RSPO2: variants seen among roughly 807,000 people sequenced by gnomAD.
RSPO2 encodes R-spondin 2.
RSPO2 carries 14 observed loss-of-function variants against 30.9 expected under a neutral mutation model. The ratio of observed to expected loss-of-function variants is 0.45; its 90% CI spans 0.30 to 0.71. The LOEUF is 0.71. Among genes scored for constraint, RSPO2 ranks in the 30% least tolerant of loss-of-function variants. RSPO2 has a pLI of 0.08. For missense variants in RSPO2, 264 were observed against 301.9 expected, an observed-to-expected ratio of 0.87 and a Z score of 0.93; for synonymous variants, 107 against 96.4, an observed-to-expected ratio of 1.11 and a Z score of -0.64.
chr8:108,028,454 C>T (rs578232757), intron 2 of RSPO2, among the ~76,000 whole-genome samples: 1 of 152,320 alleles, frequency 6.6e-6, no homozygotes, highest in East Asian at 1.9e-4. Context: ...CTCTTCACTC[C>T]TGATCTTTCC....
At chr8:108,025,118 C>G (rs1811171808) in intron 2 of RSPO2, among the ~76,000 whole-genome samples, 1 of 152,162 alleles carries the variant, frequency 6.6e-6, no homozygotes, top group South Asian at 2.1e-4. Context: ...CACACACACA[C>G]AAGCAAACAT....
At chr8:107,983,613 A>T (rs1432050186) in intron 3 of RSPO2, 1 of 1,596,656 alleles carries the variant, frequency 6.3e-7, no homozygotes, top group Non-Finnish European at 8.6e-7. Context: ...ACGATAAAAC[A>T]ATTATAGAGG....
At chr8:108,031,510 T>A (rs1481012258) in intron 2 of RSPO2, among the ~76,000 whole-genome samples, 1 of 152,208 alleles carries the variant, frequency 6.6e-6, no homozygotes, top group East Asian at 1.9e-4. Context: ...ACTAAAACTT[T>A]ACGTTTGCAA....
chr8:107,988,737 G>A (rs755617404), intron 3 of RSPO2, among the ~76,000 whole-genome samples: 9 of 151,878 alleles, frequency 5.9e-5, no homozygotes, highest in Non-Finnish European at 1.0e-4. Flanking sequence ...AAGTGATTCT[G>A]GTGCCTCAGC....
At chr8:108,040,664 TGTGGTTTGAG>T (rs1811726926) in intron 2 of RSPO2, among the ~76,000 whole-genome samples, 1 of 152,148 alleles carries the variant, frequency 6.6e-6, no homozygotes, top group Non-Finnish European at 1.5e-5. Context: ...TGATGACTAA[TGTGGTTTGAG>T]GTGTAAAACT....
intron 2 of RSPO2, among the ~76,000 whole-genome samples, chr8:108,002,530 C>T (rs1178393463): frequency 6.6e-6 from 1 of 152,170 alleles, no homozygotes; most frequent in East Asian, 1.9e-4. Context: ...AGGATGGACT[C>T]TATTTAATGT....
intron 5 of RSPO2, among the ~76,000 whole-genome samples, chr8:107,948,657 A>C (rs1813141419): frequency 6.6e-6 from 1 of 152,158 alleles, no homozygotes; most frequent in South Asian, 2.1e-4. Flanking sequence ...CAGGAGATCA[A>C]GACCATCCTG....
intron 2 of RSPO2, among the ~76,000 whole-genome samples, chr8:107,999,559 C>G (rs1265962101): frequency 6.6e-6 from 1 of 152,076 alleles, no homozygotes; most frequent in Non-Finnish European, 1.5e-5. Flanking sequence ...CTCAGCCTCC[C>G]GAGTAGTTGG....
chr8:107,953,339 C>G (rs893594819), intron 5 of RSPO2, among the ~76,000 whole-genome samples: 1 of 152,124 alleles, frequency 6.6e-6, no homozygotes, highest in Non-Finnish European at 1.5e-5. Flanking sequence ...CATTTCCCCC[C>G]ACTACCAACC....
At chr8:108,047,450 A>C (rs1811939157) in intron 2 of RSPO2, among the ~76,000 whole-genome samples, 1 of 152,174 alleles carries the variant, frequency 6.6e-6, no homozygotes, top group Non-Finnish European at 1.5e-5. Flanking sequence ...ACCTTAGGAA[A>C]ATTATTTTTT....
chr8:108,031,355 C>G (rs556822911), intron 2 of RSPO2, among the ~76,000 whole-genome samples: 1 of 152,232 alleles, frequency 6.6e-6, no homozygotes, highest in South Asian at 2.1e-4. Context: ...ATGAGTTTTC[C>G]TTTCTTGTAG....
intron 2 of RSPO2, among the ~76,000 whole-genome samples, chr8:108,017,630 A>G (rs1810936062): frequency 6.6e-6 from 1 of 152,204 alleles, no homozygotes; most frequent in Non-Finnish European, 1.5e-5. Flanking sequence ...AGTAACAAGA[A>G]GGCATTGGAA....
At chr8:107,991,970 G>A (rs1267627547) in intron 2 of RSPO2, among the ~76,000 whole-genome samples, 11 of 152,192 alleles carry the variant, frequency 7.2e-5, no homozygotes, top group East Asian at 1.9e-4. Context: ...ATGGAAGACA[G>A]TGTGGCAATT....
intron 2 of RSPO2, among the ~76,000 whole-genome samples, chr8:108,056,639 A>AAG (rs1554586193): frequency 6.7e-6 from 1 of 149,142 alleles, no homozygotes; most frequent in Admixed American, 6.7e-5. Flanking sequence ...AAAAAAAAAA[A>AAG]AAAAGAAAAG....
chr8:108,022,126 C>A (rs1563567485), intron 2 of RSPO2, among the ~76,000 whole-genome samples: 1 of 152,074 alleles, frequency 6.6e-6, no homozygotes, highest in Non-Finnish European at 1.5e-5. Flanking sequence ...TAGGTGGTCA[C>A]CTCCCCACAC....
At chr8:107,919,914 C>T (rs1353663989) in intron 5 of RSPO2, among the ~76,000 whole-genome samples, 2 of 152,126 alleles carry the variant, frequency 1.3e-5, no homozygotes, top group African/African-American at 4.8e-5. Flanking sequence ...CAAAACGAAT[C>T]ACTGCTACTT....
intron 3 of RSPO2, among the ~76,000 whole-genome samples, chr8:107,977,072 G>A (rs984161020): frequency 1.8e-4 from 28 of 152,196 alleles, no homozygotes; most frequent in African/African-American, 6.8e-4. Flanking sequence ...TGTCCCAAAA[G>A]CCAGCATATT....
rs550925093 is a variant in RSPO2 at position 108,001,762 on chromosome 8, T to A, written c.95-12518A>T. On this transcript the variant is annotated intron_variant, in intron 2 of 5. Transcript: ENST00000276659. Reference sequence around the variant, plus strand: ...TTGAATCAGTGAGGGAAAAAAAAAATTGTACTCCATAAATTTCTTCCAACA... The same window carrying A: ...TTGAATCAGTGAGGGAAAAAAAAAAATGTACTCCATAAATTTCTTCCAACA... 1.1e-4 allele frequency among the ~76,000 whole-genome samples: 17 copies of A among 151,710 alleles called. No homozygotes were observed. In the South Asian group the frequency reaches 2.9e-3, roughly 26 times the overall value.
At chr8:107,940,902 T>A (rs545373811) in intron 5 of RSPO2, among the ~76,000 whole-genome samples, 1 of 152,320 alleles carries the variant, frequency 6.6e-6, no homozygotes, top group South Asian at 2.1e-4. Flanking sequence ...AAAGGCTTAT[T>A]ATATTTCCCC....
Sources: gnomAD v4.1 joint callset for allele counts (sites outside exome capture counted in the v4.1 genomes callset) on GRCh38, gnomAD v4.1.1 for gene constraint, MANE v1.5 for transcripts, NCBI Gene and HGNC (gene_info 2026-07-23, HGNC 2026-07-21) for gene names.